Variants in PRKN observed in about 807,000 individuals in gnomAD.
The protein encoded by PRKN is E3 ubiquitin-protein ligase parkin.
Under a neutral mutation model 59.5 loss-of-function variants are expected in PRKN, and 56 were observed. The ratio of observed to expected loss-of-function variants is 0.94; its 90% confidence interval spans 0.76 to 1.18. PRKN has a LOEUF of 1.18. Ranked by LOEUF, PRKN falls within the 50% of genes most tolerant of loss-of-function variation. The pLI, the probability that PRKN is intolerant of heterozygous loss-of-function variation, is 0.00. For synonymous variants in PRKN, 250 were observed against 222.1 expected (o/e 1.13, Z -1.12); for missense variants, 657 against 596.4 (o/e 1.10, Z -1.06).
rs962537393 is a variant in PRKN, at chr6:161,445,149, C to G, written c.1084-58272G>C. Among the ~76,000 whole-genome samples, 19 of 152,128 alleles carry G rather than the reference C, an allele frequency of 1.2e-4. No individual in the cohort carries two copies. The highest frequency in any genetic ancestry group is 2.0e-4 in the Admixed American group (3 of 15,272). ...TTGACGTGCTCAGCCTCTCCAAAGC[C>G]GCGGCGCTGACACAGCTCCCCCTGC... On this transcript the variant is annotated intron_variant, in intron 9 of 11. Coordinates refer to ENST00000366898, the MANE Select transcript of PRKN (RefSeq NM_004562.3). This position sits in a 1 kb window ranked among gnomAD's most constrained non-coding sequence, Gnocchi z 7.7.
intron 9 of PRKN, among the ~76,000 whole-genome samples, chr6:161,535,895 C>G (rs1049762373): frequency 7.9e-5 from 12 of 151,898 alleles, no homozygotes; most frequent in Admixed American, 5.9e-4. Context: ...CACCACGGAA[C>G]TAACGTCAGA....
At chr6:161,673,167 T>C (rs1241093170) in intron 7 of PRKN, among the ~76,000 whole-genome samples, 1 of 152,034 alleles carries the variant, frequency 6.6e-6, no homozygotes, top group East Asian at 1.9e-4. Flanking sequence ...AGGGAGATGG[T>C]CTCCACCCTC....
At chr6:161,846,180 G>A (rs1350807284) in intron 6 of PRKN, among the ~76,000 whole-genome samples, 1 of 152,110 alleles carries the variant, frequency 6.6e-6, no homozygotes, top group South Asian at 2.1e-4. Context: ...ACTGTGAAAT[G>A]ATATCTAATG....
chr6:161,766,215 GA>G (rs1342038309), intron 7 of PRKN, among the ~76,000 whole-genome samples: 1 of 151,906 alleles, frequency 6.6e-6, no homozygotes, highest in Non-Finnish European at 1.5e-5. Flanking sequence ...GAAGACTACA[GA>G]AGCCCCTATT....
rs866355622 is a variant in PRKN, at chr6:162,339,050, G to A, written c.172-76285C>T. ...CGTCTGAGAAGTGAGGAGCCCCTCC[G>A]CCCGGCAGCCGCCCCGTCTGAGAAG... On this transcript the variant is annotated intron_variant, in intron 2 of 11. Transcript: ENST00000366898. 2.1e-3 allele frequency among the ~76,000 whole-genome samples: 301 copies of A among 146,816 alleles called. 4 individuals carry two copies. Among genetic ancestry groups the A allele is most frequent in the Middle Eastern group, 4.0e-3 (1 of 248 alleles).
intron 7 of PRKN, among the ~76,000 whole-genome samples, chr6:161,642,281 T>C (rs552357880): frequency 1.2e-4 from 19 of 152,294 alleles, no homozygotes; most frequent in Admixed American, 2.6e-4. Context: ...AATTAAAAAA[T>C]AGATTTAGAG....
intron 5 of PRKN, among the ~76,000 whole-genome samples, chr6:162,045,681 T>C (rs1003231933): frequency 1.3e-5 from 2 of 152,230 alleles, no homozygotes; most frequent in South Asian, 4.1e-4. Flanking sequence ...AGACAGATGA[T>C]AGCTCCTTAA....
At chr6:162,545,929 G>A (rs996831246) in intron 1 of PRKN, among the ~76,000 whole-genome samples, 3 of 152,016 alleles carry the variant, frequency 2.0e-5, no homozygotes, top group African/African-American at 7.2e-5. Context: ...TTAGTTCAGG[G>A]TTGTTCCTAG....
intron 4 of PRKN, among the ~76,000 whole-genome samples, chr6:162,095,722 A>G (rs1779695809): frequency 6.6e-6 from 1 of 152,166 alleles, no homozygotes; most frequent in Non-Finnish European, 1.5e-5. Flanking sequence ...TCCAGAAAGA[A>G]TTCTGGTGCA....
intron 9 of PRKN, among the ~76,000 whole-genome samples, chr6:161,433,250 GCTGT>G (rs1249205279): frequency 1.3e-5 from 2 of 152,148 alleles, no homozygotes; most frequent in Non-Finnish European, 2.9e-5. Context: ...CATATTGAGG[GCTGT>G]CTGATTCCAG....
In PRKN at chr6:162,563,317, CAAA is replaced by C. The variant is rs55881751; in HGVS notation, c.8-119847_8-119845del. Among the ~76,000 whole-genome samples the C allele has an allele frequency of 6.2e-5, 9 of 145,804 alleles. No homozygotes were observed. In the South Asian group the frequency reaches 1.7e-3, roughly 28 times the overall value. ...AGACTCCATCTTAAAAAACAAAAAA[CAAA>C]AAAAAAAAAACAAAAAAAGAGAAAG... On this transcript the variant is annotated intron_variant, in intron 1 of 11. Coordinates refer to ENST00000366898, the MANE Select transcript of PRKN (RefSeq NM_004562.3).
chr6:162,436,921 G>A (rs1426584177), intron 2 of PRKN, among the ~76,000 whole-genome samples: 4 of 151,868 alleles, frequency 2.6e-5, no homozygotes, highest in South Asian at 2.1e-4. Flanking sequence ...GTGAAACCCC[G>A]TCTCTACTAA....
chr6:161,682,013 G>A (rs1402186256), intron 7 of PRKN, among the ~76,000 whole-genome samples: 3 of 152,242 alleles, frequency 2.0e-5, no homozygotes, highest in Non-Finnish European at 4.4e-5. Flanking sequence ...GAGAGAGTCA[G>A]GGACGAGTGG....
intron 7 of PRKN, among the ~76,000 whole-genome samples, chr6:161,640,705 G>A (rs1286020787): frequency 2.0e-5 from 3 of 152,158 alleles, no homozygotes; most frequent in Non-Finnish European, 4.4e-5. Context: ...GACACCAAGT[G>A]AAGGGAAACT....
chr6:161,606,625 G>T (rs2128145076), intron 7 of PRKN, among the ~76,000 whole-genome samples: 1 of 152,298 alleles, frequency 6.6e-6, no homozygotes, highest in East Asian at 1.9e-4. Flanking sequence ...TGGAATGGTA[G>T]AACCTACTGT....
intron 4 of PRKN, among the ~76,000 whole-genome samples, chr6:162,200,384 T>C (rs898750360): frequency 4.6e-5 from 7 of 152,248 alleles, no homozygotes; most frequent in Middle Eastern, 6.8e-3. Flanking sequence ...ACCCAGTCTG[T>C]TTCCCAGCTA....
intron 1 of PRKN, among the ~76,000 whole-genome samples, chr6:162,492,144 C>T (rs1463430736): frequency 2.0e-5 from 3 of 152,244 alleles, no homozygotes; most frequent in African/African-American, 7.2e-5. Context: ...TTCCACTAGT[C>T]TCTTACCATG....
At chr6:162,389,141 A>C (rs1410771339) in intron 2 of PRKN, among the ~76,000 whole-genome samples, 1 of 152,024 alleles carries the variant, frequency 6.6e-6, no homozygotes, top group East Asian at 1.9e-4. Context: ...GCCAAAGTGC[A>C]GGCTAGTTTG....
At chr6:162,698,466 C>T (rs1000492296) in intron 1 of PRKN, among the ~76,000 whole-genome samples, 1 of 152,174 alleles carries the variant, frequency 6.6e-6, no homozygotes, top group Admixed American at 6.5e-5. Flanking sequence ...CCCTATACCT[C>T]TATGTGCTGG....
Sources: allele counts gnomAD v4.1 joint callset (sites outside exome capture counted in the v4.1 genomes callset), GRCh38; gene constraint gnomAD v4.1.1; non-coding constraint Gnocchi (gnomAD v3.1); transcripts MANE v1.5; gene names NCBI Gene and HGNC (gene_info 2026-07-23, HGNC 2026-07-21).